The following HOOK3 variants were observed in gnomAD, a reference collection of about 807,000 sequenced individuals.
HOOK3 encodes protein Hook homolog 3.
A neutral mutation model predicts 116.3 loss-of-function variants in HOOK3; 24 were observed. That is an observed-to-expected ratio of 0.21 (90% CI 0.15 to 0.29). The LOEUF (loss-of-function observed/expected upper bound fraction) is 0.29, where lower values mean the gene tolerates loss of function less well. Ranked by LOEUF, HOOK3 falls within the 10% of genes least tolerant of loss-of-function variation. The pLI, the probability that HOOK3 is intolerant of heterozygous loss-of-function variation, is 1.00. For synonymous variants in HOOK3, 275 were observed against 283.0 expected (o/e 0.97, Z 0.28); for missense variants, 632 against 830.2 (o/e 0.76, Z 2.93).
Position 42,982,638 on chromosome 8 carries a change from C to A in HOOK3, c.1333C>A (p.Leu445Ile), listed in dbSNP as rs762363312. The A allele has an allele frequency of 6.2e-7, 1 of 1,609,874 alleles. No homozygotes were observed. The highest frequency in any genetic ancestry group is 8.5e-7 in the Non-Finnish European group (1 of 1,176,280). The change falls in exon 14 of 22, where the codon CTT becomes ATT. Residue 445 changes from leucine to isoleucine, a missense_variant. Coordinates refer to ENST00000307602, the MANE Select transcript of HOOK3 (RefSeq NM_032410.4). ...TTGTATATTTACAGGGTTAATGCCT[C>A]TTGGAAGTCAGGAGTCTTCAGACAG... is the stretch of plus-strand genomic sequence containing the variant. ...GQLTTQGLMP[L>I]GSQESSDSLA...
At chr8:42,929,105 C>G (rs1807824879) in intron 3 of HOOK3, among the ~76,000 whole-genome samples, 1 of 152,080 alleles carries the variant, frequency 6.6e-6, no homozygotes, top group Non-Finnish European at 1.5e-5. Flanking sequence ...ATTTAAAAAA[C>G]TACCATTTTA....
At chr8:42,971,806 G>A (rs985969870) in intron 11 of HOOK3, among the ~76,000 whole-genome samples, 3 of 151,856 alleles carry the variant, frequency 2.0e-5, no homozygotes, top group Non-Finnish European at 4.4e-5. Flanking sequence ...ACAGTCTCCC[G>A]AGTAGCTGGG....
At chr8:42,919,616 A>G (rs1028679710) in intron 2 of HOOK3, among the ~76,000 whole-genome samples, 1 of 152,224 alleles carries the variant, frequency 6.6e-6, no homozygotes, top group Non-Finnish European at 1.5e-5. Flanking sequence ...GGTTGTAGCC[A>G]GCCGAGATTA....
intron 2 of HOOK3, among the ~76,000 whole-genome samples, chr8:42,916,858 C>A (rs988509708): frequency 2.6e-5 from 4 of 152,142 alleles, no homozygotes; most frequent in Admixed American, 1.3e-4. Flanking sequence ...TTACTTGGGT[C>A]TAAGTCTTTT....
At chr8:42,985,561 A>G (rs185555379) in intron 14 of HOOK3, among the ~76,000 whole-genome samples, 1 of 152,052 alleles carries the variant, frequency 6.6e-6, no homozygotes, top group East Asian at 1.9e-4. Flanking sequence ...GAGGGTTTAT[A>G]TTTTCTTTTC....
At chr8:42,941,799 C>T (rs960537964) in intron 4 of HOOK3, among the ~76,000 whole-genome samples, 7 of 152,048 alleles carry the variant, frequency 4.6e-5, no homozygotes, top group African/African-American at 1.7e-4. Flanking sequence ...TGGGGAAGGA[C>T]CCTACTGTTT....
chr8:43,007,775 A>G (rs1809520880), intron 17 of HOOK3, 72 bp from the exon 18 acceptor site: 1 of 829,720 alleles, frequency 1.2e-6, no homozygotes, highest in South Asian at 2.3e-5. Flanking sequence ...AATATAAGGA[A>G]CTCAGATCTT....
At chr8:43,008,657 A>AT (rs1176623906) in intron 18 of HOOK3, among the ~76,000 whole-genome samples, 13 of 143,894 alleles carry the variant, frequency 9.0e-5, no homozygotes, top group East Asian at 6.1e-4. Context: ...TTTTATTTTT[A>AT]TTTTTATTTT....
chr8:42,932,749 A>G (rs1310951003), intron 4 of HOOK3, among the ~76,000 whole-genome samples: 1 of 152,172 alleles, frequency 6.6e-6, no homozygotes, highest in Admixed American at 6.5e-5. Flanking sequence ...TCATTACTAC[A>G]TGATTAGGAG....
In HOOK3 at chr8:42,964,301, A is replaced by G; in HGVS notation, c.616-10A>G. On this transcript the variant is annotated splice_polypyrimidine_tract_variant and intron_variant, in intron 8 of 21. Coordinates refer to ENST00000307602, the MANE Select transcript of HOOK3 (RefSeq NM_032410.4). ...GAAGAAATAACTGCCGTCGTCCTATATTCCAACAGGTTGCAGCATTGCAGG... is the reference window on the plus strand; with the variant it reads ...GAAGAAATAACTGCCGTCGTCCTATGTTCCAACAGGTTGCAGCATTGCAGG... 1 of 1,613,890 alleles carries G rather than the reference A, an allele frequency of 6.2e-7. No individual in the cohort carries two copies. The highest frequency in any genetic ancestry group is 1.6e-4 in the Middle Eastern group (1 of 6,062).
rs1325485546 is a variant in HOOK3, at chr8:43,025,086, A to T, written c.*6588A>T. Reference sequence around the variant, plus strand: ...TGGATTCTCCACATTGACTGAAATGATAGAGAAAGGGACATTTGTTTGAGA... The same window carrying T: ...TGGATTCTCCACATTGACTGAAATGTTAGAGAAAGGGACATTTGTTTGAGA... On this transcript the variant is annotated 3_prime_UTR_variant, in exon 22 of 22. Coordinates refer to ENST00000307602, the MANE Select transcript of HOOK3 (RefSeq NM_032410.4). The T allele has an allele frequency of 1.4e-5, 3 of 212,784 alleles. No homozygotes were observed. The highest frequency in any genetic ancestry group is 6.8e-5 in the African/African-American group (3 of 44,316). 13.2% of individuals were successfully genotyped at this position (212,784 alleles called of 1,614,324 possible).
At chr8:42,944,381 A>T (rs1292224785) in intron 5 of HOOK3, among the ~76,000 whole-genome samples, 1 of 152,042 alleles carries the variant, frequency 6.6e-6, no homozygotes, top group South Asian at 2.1e-4. Context: ...GCATCACTGC[A>T]CTCCAGCCTG....
At chr8:42,939,208 G>C (rs1157471682) in intron 4 of HOOK3, among the ~76,000 whole-genome samples, 2 of 152,192 alleles carry the variant, frequency 1.3e-5, no homozygotes, top group Admixed American at 1.3e-4. Context: ...TTGTCATCAT[G>C]GCCCGTTCTC....
At chr8:42,956,049 A>T (rs919202521) in intron 6 of HOOK3, among the ~76,000 whole-genome samples, 3 of 152,082 alleles carry the variant, frequency 2.0e-5, no homozygotes, top group South Asian at 2.1e-4. Context: ...TCCCCACATT[A>T]CTGATTGTCC....
At chr8:42,980,946 C>T (rs1263250098) in intron 13 of HOOK3, among the ~76,000 whole-genome samples, 1 of 152,094 alleles carries the variant, frequency 6.6e-6, no homozygotes, top group Non-Finnish European at 1.5e-5. Flanking sequence ...CATGTGATGC[C>T]CTGTGTTGCC....
At chr8:42,897,949 C>G (rs549335537) in intron 1 of HOOK3, among the ~76,000 whole-genome samples, 5 of 152,222 alleles carry the variant, frequency 3.3e-5, no homozygotes, top group Middle Eastern at 3.4e-3. Flanking sequence ...GAGGGATGCG[C>G]AGAGCCCGGG....
intron 6 of HOOK3, among the ~76,000 whole-genome samples, chr8:42,952,475 T>C (rs988816180): frequency 1.3e-5 from 2 of 152,218 alleles, no homozygotes; most frequent in Non-Finnish European, 2.9e-5. Context: ...TATGTTTGAT[T>C]GAATCAGTGA....
intron 8 of HOOK3, among the ~76,000 whole-genome samples, chr8:42,960,461 T>C (rs1410963595): frequency 6.6e-6 from 1 of 152,250 alleles, no homozygotes; most frequent in African/African-American, 2.4e-5. Context: ...CATAAGCATG[T>C]AATGTTTAAT....
At chr8:42,981,547 A>G (rs1808943875) in intron 13 of HOOK3, among the ~76,000 whole-genome samples, 1 of 152,194 alleles carries the variant, frequency 6.6e-6, no homozygotes, top group Non-Finnish European at 1.5e-5. Context: ...TCAGCAATAC[A>G]GGAATAGTAT....
Sources: gnomAD v4.1 joint callset for allele counts (sites outside exome capture counted in the v4.1 genomes callset) on GRCh38, gnomAD v4.1.1 for gene constraint, MANE v1.5 for transcripts, NCBI Gene and HGNC (gene_info 2026-07-23, HGNC 2026-07-21) for gene names.